The following NRDC variants were observed in gnomAD, a reference collection of about 807,000 sequenced individuals.
NRDC encodes the protein nardilysin convertase, also known as nardilysin.
Under a neutral mutation model 147.1 loss-of-function variants are expected in NRDC, and 54 were observed. The observed-to-expected ratio is 0.37, with a 90% CI of 0.29 to 0.46. The LOEUF (loss-of-function observed/expected upper bound fraction) is 0.46. NRDC is among the 20% of genes least tolerant of loss of function. NRDC has a pLI of 1.00. For missense variants in NRDC, 1,082 were observed against 1,370.6 expected, an observed-to-expected ratio of 0.79 and a Z score of 3.33; for synonymous variants, 440 against 482.1, an observed-to-expected ratio of 0.91 and a Z score of 1.14.
Position 51,827,794 on chromosome 1 carries a change from A to C in NRDC, c.940+2T>G. 2 of 1,612,860 alleles carry C rather than the reference A, an allele frequency of 1.2e-6. No individual in the cohort carries two copies. Among genetic ancestry groups the C allele is most frequent in the Non-Finnish European group, 1.7e-6 (2 of 1,178,906 alleles). ...TAGTTACACATAAAGTACTCCTCTT[A>C]CCACTATCAACAGCTTCAACTTCAC... On this transcript the variant is annotated splice_donor_variant, in intron 5 of 30. Transcript: ENST00000352171. LOFTEE classifies it high-confidence loss of function.
Position 51,789,555 on chromosome 1 carries a change from T to TAAAC in NRDC, c.3258+9_3258+12dup. ...CAACCCTAGAATGGATGGAGTTAGTTAAACATACTCACATGAACGCTGAGC... is the reference window on the plus strand; with the variant it reads ...CAACCCTAGAATGGATGGAGTTAGTTAAACAAACATACTCACATGAACGCTGAGC... On this transcript the variant is annotated intron_variant, in intron 30 of 30. Transcript: ENST00000352171. 3 of 1,608,970 alleles carry TAAAC rather than the reference T, an allele frequency of 1.9e-6. No individual in the cohort carries two copies. The highest frequency in any genetic ancestry group is 2.6e-6 in the Non-Finnish European group (3 of 1,175,258).
Position 51,878,474 on chromosome 1 carries a change from GA to G in NRDC, c.141del (p.Leu48TrpfsTer34). On this transcript the variant is annotated frameshift_variant, in exon 1 of 31. Transcript: ENST00000352171. LOFTEE classifies it high-confidence loss of function. ...EDSAAARPFPILAMPGRNKAK... is the reference protein window; with the variant it reads ...EDSAAARPFPXLAMPGRNKAK... ...GCCTTGTTCCTTCCAGGCATGGCCA[GA>G]ATAGGAAAGGGTCTGGCAGCAGCAG... 1 of 1,613,966 alleles carries G rather than the reference GA, an allele frequency of 6.2e-7. No individual in the cohort carries two copies. Among genetic ancestry groups the G allele is most frequent in the Non-Finnish European group, 8.5e-7 (1 of 1,180,034 alleles).
intron 9 of NRDC, among the ~76,000 whole-genome samples, chr1:51,819,099 C>T (rs970313263): frequency 6.6e-6 from 1 of 152,070 alleles, no homozygotes; most frequent in Non-Finnish European, 1.5e-5. Flanking sequence ...GCCAGGAGTT[C>T]GAGACCAGCC....
chr1:51,816,411 C>A, intron 10 of NRDC, 22 bp from the exon 11 acceptor site: 1 of 1,486,332 alleles, frequency 6.7e-7, no homozygotes, highest in Non-Finnish European at 9.1e-7. Context: ...ATTTAATGGT[C>A]AGAAGAAAAA....
chr1:51,853,416 C>T (rs1055746922), intron 1 of NRDC, among the ~76,000 whole-genome samples: 5 of 152,002 alleles, frequency 3.3e-5, no homozygotes, highest in East Asian at 1.9e-4. Context: ...TCAGAAATCC[C>T]GTATCTTAGC....
chr1:51,874,170 A>C (rs201345617), intron 1 of NRDC, among the ~76,000 whole-genome samples: 1 of 151,288 alleles, frequency 6.6e-6, no homozygotes, highest in Admixed American at 6.6e-5. Context: ...AGAAGTTTAC[A>C]TACCTTTTCA....
At chr1:51,818,634 A>T (rs545052833) in intron 9 of NRDC, among the ~76,000 whole-genome samples, 1 of 152,356 alleles carries the variant, frequency 6.6e-6, no homozygotes, top group South Asian at 2.1e-4. Flanking sequence ...AATAAAAAGT[A>T]AGTTGTCTCT....
chr1:51,810,799 A>G (rs1679681123), intron 15 of NRDC, among the ~76,000 whole-genome samples: 4 of 152,230 alleles, frequency 2.6e-5, no homozygotes, highest in Admixed American at 2.6e-4. Flanking sequence ...AATAACAGTC[A>G]GCTTTGGGTG....
rs746762646 is a variant in NRDC at position 51,878,518 on chromosome 1, C to A, written c.98G>T (p.Arg33Leu). The change falls in exon 1 of 31, where the codon CGG (arginine) becomes CTG (leucine). Residue 33 changes from arginine to leucine, a missense_variant. Arg to Leu is a moderately radical substitution (Grantham distance 102). Around this residue, in one of 3 missense-constraint regions of NRDC, gnomAD observed 260 missense variants for 253.2 expected, o/e 1.03. Coordinates refer to ENST00000352171, the MANE Select transcript of NRDC (RefSeq NM_001101662.2). Reference protein sequence around the residue: ...ELAALWGIETRGRCEDSAAAR... With the variant: ...ELAALWGIETLGRCEDSAAAR... ...AGCAGCAGAGTCTTCGCACCGACCC[C>A]GCGTTTCGATTCCCCAGAGCGCCGC... 1.2e-6 allele frequency: 2 copies of A among 1,613,768 alleles called. No individual in the cohort carries two copies. Among genetic ancestry groups the A allele is most frequent in the East Asian group, 2.2e-5 (1 of 44,864 alleles).
chr1:51,863,034 A>C (rs1682627463), intron 1 of NRDC, among the ~76,000 whole-genome samples: 1 of 150,742 alleles, frequency 6.6e-6, no homozygotes, highest in South Asian at 2.1e-4. Flanking sequence ...AAAAAAAAAA[A>C]AAAACAAGCA....
intron 1 of NRDC, among the ~76,000 whole-genome samples, chr1:51,870,746 T>C (rs762961123): frequency 6.6e-6 from 1 of 152,100 alleles, no homozygotes; most frequent in Non-Finnish European, 1.5e-5. Context: ...CTCACAACTA[T>C]CTAAGAATCT....
At chr1:51,802,894 T>C (rs1049011297) in intron 20 of NRDC, among the ~76,000 whole-genome samples, 7 of 152,198 alleles carry the variant, frequency 4.6e-5, no homozygotes, top group African/African-American at 1.7e-4. Flanking sequence ...TAAAATTTAT[T>C]ATTGAGTATA....
chr1:51,812,974 A>AT (rs1679797782), intron 14 of NRDC, among the ~76,000 whole-genome samples: 1 of 151,106 alleles, frequency 6.6e-6, no homozygotes, highest in Non-Finnish European at 1.5e-5. Context: ...AAAAAAAAAA[A>AT]AAAAAAAAAA....
chr1:51,877,511 G>A (rs920221271), intron 1 of NRDC, among the ~76,000 whole-genome samples: 15 of 151,284 alleles, frequency 9.9e-5, no homozygotes, highest in African/African-American at 3.6e-4. Context: ...AAACACACAC[G>A]CACACACACA....
chr1:51,836,832 A>G (rs542947026), intron 2 of NRDC, among the ~76,000 whole-genome samples: 1 of 152,338 alleles, frequency 6.6e-6, no homozygotes, highest in South Asian at 2.1e-4. Context: ...TTGAAGATAT[A>G]CAGCATATAT....
At chr1:51,846,713 A>C (rs1681633726) in intron 1 of NRDC, among the ~76,000 whole-genome samples, 1 of 152,238 alleles carries the variant, frequency 6.6e-6, no homozygotes. Flanking sequence ...TTTATCGCCA[A>C]CAGCGATGGA....
chr1:51,797,107 G>A (rs1430759588), intron 22 of NRDC, among the ~76,000 whole-genome samples: 1 of 151,956 alleles, frequency 6.6e-6, no homozygotes, highest in Non-Finnish European at 1.5e-5. Context: ...GGCTGAGGCA[G>A]GAGAATGGCG....
intron 1 of NRDC, among the ~76,000 whole-genome samples, chr1:51,875,870 G>A (rs1260254779): frequency 6.6e-6 from 1 of 151,538 alleles, no homozygotes; most frequent in Non-Finnish European, 1.5e-5. Flanking sequence ...TTTTTTTTAT[G>A]TGTCTGTGTC....
intron 4 of NRDC, among the ~76,000 whole-genome samples, chr1:51,831,758 T>C (rs1272749281): frequency 2.6e-5 from 4 of 151,748 alleles, no homozygotes; most frequent in African/African-American, 4.8e-5. Context: ...TTTGTATTTT[T>C]AGTAGAGATG....
Sources: gnomAD v4.1 joint callset for allele counts (sites outside exome capture counted in the v4.1 genomes callset) on GRCh38, gnomAD v4.1.1 for gene constraint, gnomAD v4.1.1 regional missense constraint, MANE v1.5 for transcripts, NCBI Gene and HGNC (gene_info 2026-07-23, HGNC 2026-07-21) for gene names.